Variants in NAV2 observed in about 807,000 individuals in gnomAD.
NAV2 encodes the protein helicase, APC down-regulated 1.
A neutral mutation model predicts 223.2 loss-of-function variants in NAV2; 54 were observed. The ratio of observed to expected loss-of-function variants is 0.24; its 90% CI spans 0.19 to 0.30. The LOEUF (loss-of-function observed/expected upper bound fraction) is 0.30, where lower values mean the gene tolerates loss of function less well. Among genes scored for constraint, NAV2 ranks in the 10% least tolerant of loss-of-function variants. NAV2 has a pLI of 1.00. For missense variants in NAV2, 2,806 were observed against 3,147.5 expected (o/e 0.89, Z 2.60); for synonymous variants, 1,279 against 1,239.3 (o/e 1.03, Z -0.67).
intron 1 of NAV2, among the ~76,000 whole-genome samples, chr11:19,824,728 A>G (rs987795945): frequency 1.3e-5 from 2 of 152,212 alleles, no homozygotes; most frequent in African/African-American, 4.8e-5. Context: ...CTAAAAGGTT[A>G]TGTGGACTTG....
intron 1 of NAV2, among the ~76,000 whole-genome samples, chr11:19,776,577 G>GGTGTGTGTGTGTGTGTGTGTGTGT (rs71050684): frequency 6.9e-5 from 8 of 116,122 alleles, no homozygotes; most frequent in African/African-American, 1.5e-4. Flanking sequence ...CTGGGGCAGG[G>GGTGTGTGTGTGTGTGTGTGTGTGT]GTGTGTGTGT....
chr11:19,558,039 G>A (rs2044961639), intron 1 of NAV2, among the ~76,000 whole-genome samples: 2 of 152,178 alleles, frequency 1.3e-5, no homozygotes, highest in South Asian at 2.1e-4. Flanking sequence ...GCAGTATAAC[G>A]TGGTGCTTAT....
chr11:19,954,564 A>G (rs2153384202), intron 10 of NAV2, among the ~76,000 whole-genome samples: 1 of 152,326 alleles, frequency 6.6e-6, no homozygotes, highest in East Asian at 1.9e-4. Flanking sequence ...TCTCTAGATT[A>G]CCTATAATAT....
At chr11:19,770,300 G>A (rs895544340) in intron 1 of NAV2, among the ~76,000 whole-genome samples, 1 of 151,906 alleles carries the variant, frequency 6.6e-6, no homozygotes, top group East Asian at 1.9e-4. Flanking sequence ...GCCCACCTGA[G>A]TAGACTAGAT....
In NAV2 at chr11:19,949,007, A is replaced by G. The variant is rs759205612; in HGVS notation, c.2572A>G (p.Met858Val). 6 of 1,613,740 alleles carry G rather than the reference A, an allele frequency of 3.7e-6. No homozygotes were observed. In the South Asian group the frequency reaches 6.6e-5, roughly 18 times the overall value. The change falls in exon 10 of 38, where the codon ATG (methionine) becomes GTG (valine). Residue 858 changes from methionine (M) to valine (V), a missense_variant. Transcript: ENST00000349880. ...TGAGATGGACCTGGAAGGCATCAGC[A>G]TGGATGCCCCCGGCTACATGAGCGA... ...GDEMDLEGIS[M>V]DAPGYMSDGD...
Position 19,713,804 on chromosome 11 carries a change from T to A in NAV2, c.109T>A (p.Cys37Ser). 6.2e-7 allele frequency: 1 copy of A among 1,613,082 alleles called. No homozygotes were observed. Among genetic ancestry groups the A allele is most frequent in the Non-Finnish European group, 8.5e-7 (1 of 1,179,778 alleles). ...CCCGGCCCGGGCGGGCCCCCAGCCC[T>A]GCTACCTGAAGTTGGGAAGCAAGGT... is the stretch of plus-strand genomic sequence containing the variant. ...VPPARAGPQP[C>S]YLKLGSKVEV... is the part of the protein sequence containing the mutation. Residue 37 changes from cysteine (C) to serine (S), a missense_variant, in exon 1 of 38, where the codon TGC (cysteine) becomes AGC (serine). Physicochemically the swap from Cys to Ser is moderately radical, Grantham distance 112 (BLOSUM62 -1). Around this residue, in one of 4 missense-constraint regions of NAV2, gnomAD observed 1,167 missense variants for 1,180.5 expected, o/e 0.99. Coordinates refer to ENST00000349880, the MANE Select transcript of NAV2 (RefSeq NM_145117.5). This position sits in a 1 kb window ranked among gnomAD's most constrained non-coding sequence, Gnocchi z 7.2.
chr11:19,484,443 A>G (rs1265289151), intron 1 of NAV2, among the ~76,000 whole-genome samples: 1 of 152,206 alleles, frequency 6.6e-6, no homozygotes, highest in Non-Finnish European at 1.5e-5. Context: ...ACAGTCCCCA[A>G]AAGAGCAGCT....
Position 19,717,143 on chromosome 11 carries a change from A to T in NAV2, c.267+3181A>T, listed in dbSNP as rs890682564. 4.6e-5 allele frequency among the ~76,000 whole-genome samples: 7 copies of T among 152,356 alleles called. 1 individual carries two copies. In the South Asian group the frequency reaches 8.3e-4, roughly 18 times the overall value. On this transcript the variant is annotated intron_variant, in intron 1 of 37. Coordinates refer to ENST00000349880, the MANE Select transcript of NAV2 (RefSeq NM_145117.5). ...AAGGTACAGCCACTTGCTCTCGGTC[A>T]TCCAGGGTGGCAGGGCAGGGAGTCC...
At chr11:19,790,634 G>A (rs2057451645) in intron 1 of NAV2, among the ~76,000 whole-genome samples, 1 of 152,182 alleles carries the variant, frequency 6.6e-6, no homozygotes, top group Non-Finnish European at 1.5e-5. Context: ...CTCTGTAAGA[G>A]TAACTCTGGT....
chr11:19,461,954 C>T (rs952950680), intron 1 of NAV2, among the ~76,000 whole-genome samples: 5 of 152,078 alleles, frequency 3.3e-5, no homozygotes, highest in Admixed American at 6.5e-5. Context: ...TACAGGCACC[C>T]GCCATCACAC....
At chr11:20,077,775 C>A in intron 23 of NAV2, 140 bp downstream of exon 23, 1 of 747,124 alleles carries the variant, frequency 1.3e-6, no homozygotes, top group Non-Finnish European at 2.3e-6. Context: ...GGAGTCCAAT[C>A]TGTTGAGTGA....
chr11:19,478,785 C>G (rs1037007915), intron 1 of NAV2, among the ~76,000 whole-genome samples: 5 of 152,224 alleles, frequency 3.3e-5, no homozygotes, highest in African/African-American at 9.7e-5. Context: ...CCCAGCATCT[C>G]TCTGCTGTCC....
rs2050009182 is a variant in NAV2 at position 19,713,484 on chromosome 11, GGCCAGTC to G, written c.-211_-205del. 7.4e-7 allele frequency: 1 copy of G among 1,357,794 alleles called. No homozygotes were observed. Among genetic ancestry groups the G allele is most frequent in the African/African-American group, 1.5e-5 (1 of 66,652 alleles). The allele number at this position is 1,357,794 out of a possible 1,614,324, so 84.1% of individuals were successfully genotyped here. On this transcript the variant is annotated 5_prime_UTR_variant, in exon 1 of 38. Coordinates refer to ENST00000349880, the MANE Select transcript of NAV2 (RefSeq NM_145117.5). This position sits in a 1 kb window ranked among gnomAD's most constrained non-coding sequence, Gnocchi z 7.2. ...CCAGGTGGGACCCGCTGAGCGCCGT[GGCCAGTC>G]CCCCATTCCCATCCCGGCACCCCAA...
chr11:19,694,494 G>T (rs554974274), intron 1 of NAV2, among the ~76,000 whole-genome samples: 1 of 152,294 alleles, frequency 6.6e-6, no homozygotes, highest in East Asian at 1.9e-4. Flanking sequence ...CATCTTCAGG[G>T]TCCACTGGAG....
chr11:19,852,731 C>T (rs1251211321), intron 3 of NAV2, among the ~76,000 whole-genome samples: 1 of 151,630 alleles, frequency 6.6e-6, no homozygotes, highest in Admixed American at 6.6e-5. Flanking sequence ...AAATCTCTTT[C>T]AGTTCAATAA....
intron 1 of NAV2, among the ~76,000 whole-genome samples, chr11:19,355,251 G>T (rs1183366080): frequency 1.4e-5 from 2 of 143,078 alleles, no homozygotes; most frequent in Non-Finnish European, 1.5e-5. Flanking sequence ...ATTGTTGGTT[G>T]TTTTTTTTTT....
chr11:20,024,624 C>T (rs373342045), intron 11 of NAV2, among the ~76,000 whole-genome samples: 2 of 152,226 alleles, frequency 1.3e-5, no homozygotes, highest in South Asian at 2.1e-4. Flanking sequence ...GAGGTCCCTT[C>T]GCTTTCCTCT....
chr11:19,361,423 C>T (rs934421877), intron 1 of NAV2, among the ~76,000 whole-genome samples: 1 of 152,024 alleles, frequency 6.6e-6, no homozygotes, highest in African/African-American at 2.4e-5. Context: ...TCAGTTTGCT[C>T]CTGGACTGGT....
At chr11:19,551,899 C>T (rs1254119803) in intron 1 of NAV2, among the ~76,000 whole-genome samples, 2 of 115,264 alleles carry the variant, frequency 1.7e-5, no homozygotes, top group African/African-American at 1.6e-4. Context: ...CTCTCCTCTT[C>T]TCTCTCTCTC....
Sources: allele counts gnomAD v4.1 joint callset (sites outside exome capture counted in the v4.1 genomes callset), GRCh38; gene constraint gnomAD v4.1.1; regional missense constraint gnomAD v4.1.1; non-coding constraint Gnocchi (gnomAD v3.1); transcripts MANE v1.5; gene names NCBI Gene and HGNC (gene_info 2026-07-23, HGNC 2026-07-21).